Variants in CPNE8 observed in about 807,000 individuals in gnomAD.
CPNE8 encodes the protein copine 8, also known as copine-8.
In CPNE8, 45 loss-of-function variants were observed where a neutral mutation model predicts 81.5. The observed-to-expected ratio is 0.55, with a 90% CI of 0.44 to 0.71. The LOEUF (loss-of-function observed/expected upper bound fraction) is 0.71. Ranked by LOEUF, CPNE8 falls within the 30% of genes least tolerant of loss-of-function variation. CPNE8 has a pLI of 0.00. For synonymous variants in CPNE8, 252 were observed against 226.3 expected (o/e 1.11, Z -1.02); for missense variants, 594 against 672.1 (o/e 0.88, Z 1.28).
At chr12:38,668,777 C>T (rs562077620) in intron 19 of CPNE8, among the ~76,000 whole-genome samples, 52 of 152,122 alleles carry the variant, frequency 3.4e-4, no homozygotes, top group Non-Finnish European at 6.6e-4. Flanking sequence ...GGTCCGGGCA[C>T]GGTGGCTCAT....
chr12:38,760,822 A>G (rs1286270701), intron 10 of CPNE8, 25 bp downstream of exon 10: 12 of 1,576,224 alleles, frequency 7.6e-6, no homozygotes, highest in Non-Finnish European at 1.0e-5. Flanking sequence ...CCAGTTCAAG[A>G]GTAAGAAGAT....
intron 13 of CPNE8, among the ~76,000 whole-genome samples, chr12:38,714,821 T>C (rs6580726): frequency 0.52 from 78,347 of 151,766 alleles, 21,349 homozygotes; most frequent in East Asian, 0.81. Context: ...AAACTAACAA[T>C]CTGGTTTCAC....
Position 38,652,597 on chromosome 12 carries a change from G to GACAC in CPNE8, c.*1281_*1284dup, listed in dbSNP as rs147459982. The stretch of plus-strand genomic sequence containing the variant: ...AATATTATAAAGCAGTTACATTTTT[G>GACAC]ACACACACACACACACAAATAAATA... On this transcript the variant is annotated 3_prime_UTR_variant, in exon 20 of 20. Coordinates refer to ENST00000331366, the MANE Select transcript of CPNE8 (RefSeq NM_153634.3). The GACAC allele has an allele frequency of 4.0e-5, 6 of 151,342 alleles. No individual in the cohort carries two copies. The highest frequency in any genetic ancestry group is 5.9e-5 in the Non-Finnish European group (4 of 67,636). 9.4% of individuals were successfully genotyped at this position (151,342 alleles called of 1,614,324 possible). A position where few individuals can be genotyped will look rare whatever the true frequency, so the allele number is the denominator to read the frequency against.
At chr12:38,736,801 T>G (rs1163309544) in intron 10 of CPNE8, among the ~76,000 whole-genome samples, 1 of 152,076 alleles carries the variant, frequency 6.6e-6, no homozygotes, top group Non-Finnish European at 1.5e-5. Flanking sequence ...AACTTTTACC[T>G]AGCAACAGTT....
chr12:38,722,083 AAGGTG>A (rs1940579202), intron 13 of CPNE8, among the ~76,000 whole-genome samples: 1 of 152,200 alleles, frequency 6.6e-6, no homozygotes, highest in African/African-American at 2.4e-5. Context: ...AACTCAGGAA[AAGGTG>A]CCACCGGCCA....
chr12:38,684,115 T>C (rs1939475151), intron 16 of CPNE8, among the ~76,000 whole-genome samples: 1 of 152,154 alleles, frequency 6.6e-6, no homozygotes, highest in Admixed American at 6.6e-5. Context: ...CAGGGTAGTG[T>C]GGCCATCAAT....
chr12:38,771,750 C>T (rs921335662), intron 7 of CPNE8, among the ~76,000 whole-genome samples: 1 of 151,902 alleles, frequency 6.6e-6, no homozygotes, highest in Non-Finnish European at 1.5e-5. Flanking sequence ...TGATATTGGC[C>T]TTGGATATTA....
chr12:38,780,614 G>A (rs763250561), intron 6 of CPNE8, among the ~76,000 whole-genome samples: 3 of 152,100 alleles, frequency 2.0e-5, no homozygotes, highest in Middle Eastern at 3.4e-3. Flanking sequence ...AAAGACAGAT[G>A]ATCGACAAAG....
At chr12:38,664,413 C>A (rs1939022752) in intron 19 of CPNE8, among the ~76,000 whole-genome samples, 1 of 151,940 alleles carries the variant, frequency 6.6e-6, no homozygotes, top group South Asian at 2.1e-4. Flanking sequence ...CATTAACTTA[C>A]ACATTTATAT....
At chr12:38,689,626 A>AT (rs1939623525) in intron 15 of CPNE8, among the ~76,000 whole-genome samples, 1 of 151,948 alleles carries the variant, frequency 6.6e-6, no homozygotes, top group African/African-American at 2.4e-5. Flanking sequence ...TGGCAAAAAA[A>AT]TACATACACA....
Position 38,653,723 on chromosome 12 carries a change from T to G in CPNE8, c.*159A>C, listed in dbSNP as rs1179708773. On this transcript the variant is annotated 3_prime_UTR_variant, in exon 20 of 20. Coordinates refer to ENST00000331366, the MANE Select transcript of CPNE8 (RefSeq NM_153634.3). ...GCAACAACCATATTTACAGTTTTGG[T>G]TTAGGAAGATATTTAAATTTGGATC... The G allele has an allele frequency of 2.7e-6, 3 of 1,120,642 alleles. No homozygotes were observed. The East Asian group carries it at 9.3e-5, about 35-fold the overall frequency. 69.4% of individuals were successfully genotyped at this position (1,120,642 alleles called of 1,614,324 possible). A position where few individuals can be genotyped will look rare whatever the true frequency, so the allele number is the denominator to read the frequency against.
chr12:38,677,215 CTTT>C (rs148271245), intron 17 of CPNE8, among the ~76,000 whole-genome samples: 1 of 151,372 alleles, frequency 6.6e-6, no homozygotes, highest in Non-Finnish European at 1.5e-5. Context: ...ATGCTATTAT[CTTT>C]TTTTTTCTTT....
intron 3 of CPNE8, among the ~76,000 whole-genome samples, chr12:38,860,494 A>G (rs1367842259): frequency 6.6e-6 from 1 of 151,910 alleles, no homozygotes; most frequent in Non-Finnish European, 1.5e-5. Context: ...TATGGAGAAC[A>G]GTATGAAATT....
At chr12:38,711,368 G>A (rs559473225) in intron 13 of CPNE8, among the ~76,000 whole-genome samples, 1 of 152,204 alleles carries the variant, frequency 6.6e-6, no homozygotes, top group Non-Finnish European at 1.5e-5. Context: ...CTTTGAAATG[G>A]AGAGCTCTGA....
chr12:38,837,772 T>C (rs1592130153), intron 5 of CPNE8, among the ~76,000 whole-genome samples: 1 of 152,202 alleles, frequency 6.6e-6, no homozygotes, highest in Non-Finnish European at 1.5e-5. Flanking sequence ...ATCTAACCTA[T>C]GTCAGGGTAG....
chr12:38,868,372 A>T (rs1323007989), intron 3 of CPNE8, among the ~76,000 whole-genome samples: 1 of 152,146 alleles, frequency 6.6e-6, no homozygotes, highest in Non-Finnish European at 1.5e-5. Flanking sequence ...TCCCATTCTG[A>T]TTTCAAATAA....
intron 6 of CPNE8, among the ~76,000 whole-genome samples, chr12:38,809,394 CT>C (rs1333865336): frequency 1.3e-5 from 2 of 152,210 alleles, no homozygotes; most frequent in Non-Finnish European, 2.9e-5. Flanking sequence ...TGCATTGCAT[CT>C]CTTCTGCCTT....
intron 19 of CPNE8, among the ~76,000 whole-genome samples, chr12:38,664,341 A>G (rs979119142): frequency 1.3e-5 from 2 of 152,082 alleles, no homozygotes; most frequent in African/African-American, 4.8e-5. Flanking sequence ...AAACAGTAAC[A>G]GTTCAATTTG....
At chr12:38,798,487 A>C (rs949671014) in intron 6 of CPNE8, among the ~76,000 whole-genome samples, 27 of 152,152 alleles carry the variant, frequency 1.8e-4, no homozygotes, top group African/African-American at 6.0e-4. Context: ...TACTTTACAG[A>C]CAAGCAAATG....
Sources: gnomAD v4.1 joint callset for allele counts (sites outside exome capture counted in the v4.1 genomes callset) on GRCh38, gnomAD v4.1.1 for gene constraint, MANE v1.5 for transcripts, NCBI Gene and HGNC (gene_info 2026-07-23, HGNC 2026-07-21) for gene names.